HIVEP3: variants seen among roughly 807,000 people sequenced by gnomAD.
HIVEP3 encodes transcription factor HIVEP3.
In HIVEP3, 49 loss-of-function variants were observed where a neutral mutation model predicts 152.8. That is an observed-to-expected ratio of 0.32 (90% CI 0.26 to 0.41). The LOEUF is 0.41. Ranked by LOEUF, HIVEP3 falls within the 10% of genes least tolerant of loss-of-function variation. The pLI, the probability that HIVEP3 is intolerant of heterozygous loss-of-function variation, is 1.00. For synonymous variants in HIVEP3, 1,269 were observed against 1,289.0 expected (o/e 0.98, Z 0.33); for missense variants, 2,790 against 3,103.3 (o/e 0.90, Z 2.40).
chr1:41,994,289 C>T (rs1254322990), intron 1 of HIVEP3, among the ~76,000 whole-genome samples: 1 of 150,482 alleles, frequency 6.6e-6, no homozygotes, highest in Admixed American at 6.6e-5. Context: ...AATACCCGAG[C>T]AGCCTAGGAA....
At chr1:41,607,135 C>G (rs1247317148) in intron 3 of HIVEP3, among the ~76,000 whole-genome samples, 1 of 152,048 alleles carries the variant, frequency 6.6e-6, no homozygotes, top group Non-Finnish European at 1.5e-5. Context: ...GTGTATTTCT[C>G]AACTGAGAGG....
intron 1 of HIVEP3, among the ~76,000 whole-genome samples, chr1:41,737,557 C>T (rs1646938244): frequency 6.6e-6 from 1 of 152,214 alleles, no homozygotes; most frequent in African/African-American, 2.4e-5. Flanking sequence ...GTTGTCCCAC[C>T]AGCTGCTAAA....
chr1:41,688,190 T>A (rs757972038), intron 2 of HIVEP3, among the ~76,000 whole-genome samples: 5 of 152,172 alleles, frequency 3.3e-5, no homozygotes, highest in Admixed American at 6.5e-5. Context: ...CTTCTTCAGT[T>A]CCTCTCGTCT....
chr1:41,746,427 G>A (rs1558233378), intron 1 of HIVEP3, among the ~76,000 whole-genome samples: 1 of 152,276 alleles, frequency 6.6e-6, no homozygotes, highest in Non-Finnish European at 1.5e-5. Context: ...TTGGGGACTT[G>A]CTCCCCTCCC....
intron 4 of HIVEP3, among the ~76,000 whole-genome samples, chr1:41,576,916 C>T (rs778027839): frequency 1.3e-5 from 2 of 152,292 alleles, no homozygotes; most frequent in African/African-American, 2.4e-5. Flanking sequence ...GAGTGGAAAC[C>T]GAGCAAGAAT....
rs768515561 is a variant in HIVEP3 at position 41,510,804 on chromosome 1, C to T, written c.6868G>A (p.Asp2290Asn). The change falls in exon 9 of 9, where the codon GAC becomes AAC. Residue 2290 changes from aspartate to asparagine, a missense_variant. Asp to Asn is a conservative substitution (Grantham distance 23). Around this residue, in one of 9 missense-constraint regions of HIVEP3, gnomAD observed 816 missense variants for 806.5 expected, o/e 1.01. Transcript: ENST00000372583. The part of the protein sequence containing the change: ...RTGGGPGRPP[D>N]WTPHGTGAPA... ...GCCCCGGTCCCATGGGGTGTCCAGTCAGGAGGCCTGCCCGGGCCTCCGCCG... is the reference window on the plus strand; with the variant it reads ...GCCCCGGTCCCATGGGGTGTCCAGTTAGGAGGCCTGCCCGGGCCTCCGCCG... 1.2e-6 allele frequency: 2 copies of T among 1,611,726 alleles called. No individual in the cohort carries two copies. Among genetic ancestry groups the T allele is most frequent in the Non-Finnish European group, 1.7e-6 (2 of 1,179,430 alleles).
At chr1:41,512,673 C>A (rs111874389) in intron 8 of HIVEP3, 143 bp downstream of exon 8, 12 of 694,128 alleles carry the variant, frequency 1.7e-5, no homozygotes, top group African/African-American at 1.4e-4. Context: ...CAGTAGGTGC[C>A]TAATAAATGT....
intron 4 of HIVEP3, among the ~76,000 whole-genome samples, chr1:41,578,785 A>C (rs1256261811): frequency 6.6e-6 from 1 of 152,240 alleles, no homozygotes; most frequent in Non-Finnish European, 1.5e-5. Flanking sequence ...TCTGACCCTC[A>C]GTTCCCTAAG....
At chr1:41,985,073 T>C (rs893505337) in intron 1 of HIVEP3, among the ~76,000 whole-genome samples, 2 of 152,096 alleles carry the variant, frequency 1.3e-5, no homozygotes, top group Admixed American at 1.3e-4. Flanking sequence ...GATTGATTTT[T>C]CCAAGGAGAC....
intron 1 of HIVEP3, among the ~76,000 whole-genome samples, chr1:41,979,037 C>T (rs1645280253): frequency 6.6e-6 from 1 of 152,158 alleles, no homozygotes; most frequent in South Asian, 2.1e-4. Context: ...CCCAGCACCC[C>T]TGCTTTCACC....
intron 5 of HIVEP3, among the ~76,000 whole-genome samples, chr1:41,526,085 G>C (rs2759247): frequency 0.44 from 66,760 of 151,534 alleles, 15,306 homozygotes; most frequent in Non-Finnish European, 0.48. Context: ...GTGAGCAAGG[G>C]ACAGCGTGTC....
At position 41,605,183 on chromosome 1, in the gene HIVEP3, G is replaced by GAGGGAAGGGA. The variant is rs550307444; in HGVS notation, c.-521-19875_-521-19866dup. ...GTGGAGAGGGGAGGGGAGGGGAGGGGAGGGAAGGGAAGGGAAGGGAGGAAA... is the reference window on the plus strand; with the variant it reads ...GTGGAGAGGGGAGGGGAGGGGAGGGGAGGGAAGGGAAGGGAAGGGAAGGGAAGGGAGGAAA... On this transcript the variant is annotated intron_variant, in intron 3 of 8. Coordinates refer to ENST00000372583, the MANE Select transcript of HIVEP3 (RefSeq NM_024503.5). Among the ~76,000 whole-genome samples, 365 of 115,634 alleles carry GAGGGAAGGGA rather than the reference G, an allele frequency of 3.2e-3. 3 individuals carry two copies. The highest frequency in any genetic ancestry group is 9.9e-3 in the African/African-American group (306 of 31,046). The allele number at this position is 115,634 out of a possible 152,430, so 75.9% of individuals were successfully genotyped here.
intron 1 of HIVEP3, among the ~76,000 whole-genome samples, chr1:41,775,931 A>C (rs1341446112): frequency 6.6e-6 from 1 of 152,218 alleles, no homozygotes; most frequent in Non-Finnish European, 1.5e-5. Context: ...CATTCTGCCT[A>C]GTCAGTTATG....
intron 1 of HIVEP3, among the ~76,000 whole-genome samples, chr1:41,717,141 G>C (rs150999727): frequency 6.6e-6 from 1 of 152,168 alleles, no homozygotes; most frequent in Non-Finnish European, 1.5e-5. Flanking sequence ...TCTGGGTCTC[G>C]TGGGAGTTCA....
At chr1:41,969,242 A>G (rs953559295) in intron 1 of HIVEP3, among the ~76,000 whole-genome samples, 57 of 152,158 alleles carry the variant, frequency 3.7e-4, no homozygotes, top group South Asian at 2.1e-4. Flanking sequence ...AAAAGAGCCT[A>G]TATAGCCAAG....
At chr1:41,817,064 G>A (rs1466367479) in intron 1 of HIVEP3, among the ~76,000 whole-genome samples, 1 of 152,220 alleles carries the variant, frequency 6.6e-6, no homozygotes, top group Non-Finnish European at 1.5e-5. Flanking sequence ...ATGAAGAGCA[G>A]GGATTACATC....
At chr1:41,920,982 A>T (rs972169385), upstream of HIVEP3, among the ~76,000 whole-genome samples, 4 of 152,142 alleles carry the variant, frequency 2.6e-5, no homozygotes, top group African/African-American at 9.7e-5. Flanking sequence ...AGTTTTTCTC[A>T]ACCCTTTAAT....
chr1:41,971,834 C>T (rs369007807), intron 1 of HIVEP3, among the ~76,000 whole-genome samples: 48 of 152,278 alleles, frequency 3.2e-4, no homozygotes, highest in Non-Finnish European at 6.0e-4. Context: ...ACCATGACAG[C>T]TCTGCTGTCA....
At chr1:41,820,805 G>A (rs1435024143) in intron 1 of HIVEP3, among the ~76,000 whole-genome samples, 4 of 152,156 alleles carry the variant, frequency 2.6e-5, no homozygotes, top group Non-Finnish European at 5.9e-5. Context: ...TTTTGCTCAC[G>A]GCTAAATCCC....
Sources: allele counts gnomAD v4.1 joint callset (sites outside exome capture counted in the v4.1 genomes callset), GRCh38; gene constraint gnomAD v4.1.1; regional missense constraint gnomAD v4.1.1; transcripts MANE v1.5; gene names NCBI Gene and HGNC (gene_info 2026-07-23, HGNC 2026-07-21).